SRC: variants seen among roughly 807,000 people sequenced by gnomAD.
SRC encodes the protein proto-oncogene tyrosine-protein kinase Src.
A neutral mutation model predicts 62.9 loss-of-function variants in SRC; 13 were observed. The ratio of observed to expected loss-of-function variants is 0.21; its 90% confidence interval spans 0.13 to 0.33. The LOEUF (loss-of-function observed/expected upper bound fraction) is 0.33. SRC is among the 10% of genes least tolerant of loss of function. The pLI, the probability that SRC is intolerant of heterozygous loss-of-function variation, is 1.00. For missense variants in SRC, 457 were observed against 737.3 expected (o/e 0.62, Z 4.40); for synonymous variants, 302 against 317.5 (o/e 0.95, Z 0.52).
At chr20:37,358,301 C>T (rs35547944) in intron 1 of SRC, among the ~76,000 whole-genome samples, 6,476 of 152,228 alleles carry the variant, frequency 0.043, 182 homozygotes, top group African/African-American at 0.082. Flanking sequence ...GGGCTCTGGC[C>T]GTGGTCACCC....
chr20:37,374,337 C>T (rs1285078575), intron 2 of SRC, among the ~76,000 whole-genome samples: 1 of 152,042 alleles, frequency 6.6e-6, no homozygotes, highest in Non-Finnish European at 1.5e-5. Context: ...CTCGGCCTTC[C>T]AAAGTGCTGG....
At position 37,402,326 on chromosome 20, in the gene SRC, T is replaced by G. The variant is rs1232576486; in HGVS notation, c.1117-109T>G. On this transcript the variant is annotated intron_variant, in intron 11 of 13. Coordinates refer to ENST00000373578, the MANE Select transcript of SRC (RefSeq NM_198291.3). This position sits in a 1 kb window ranked among gnomAD's most constrained non-coding sequence, Gnocchi z 6.2. ...AACTGACCTCACTTGCCTGAAGAAGTGTGGGGAGGGTGGGGAAGGGGTGGT... is the reference window on the plus strand; with the variant it reads ...AACTGACCTCACTTGCCTGAAGAAGGGTGGGGAGGGTGGGGAAGGGGTGGT... The G allele has an allele frequency of 2.3e-5, 31 of 1,360,980 alleles. No individual in the cohort carries two copies. The highest frequency in any genetic ancestry group is 3.1e-5 in the Non-Finnish European group (31 of 992,178). The allele number at this position is 1,360,980 out of a possible 1,614,324, so 84.3% of individuals were successfully genotyped here.
chr20:37,361,089 T>TGTA (rs1427870514), intron 1 of SRC, among the ~76,000 whole-genome samples: 3 of 149,388 alleles, frequency 2.0e-5, no homozygotes, highest in Non-Finnish European at 4.4e-5. Flanking sequence ...AAGGGTACAC[T>TGTA]GTAGTTCATG....
chr20:37,404,241 C>T lies in SRC; in HGVS notation c.*862C>T. On this transcript the variant is annotated 3_prime_UTR_variant, in exon 14 of 14. Coordinates refer to ENST00000373578, the MANE Select transcript of SRC (RefSeq NM_198291.3). ...CATTCGAGATGGCAGATTCCCACTG[C>T]CGCTGCCCGCTCAGCCCAGCTGTTG... The T allele has an allele frequency of 8.6e-6, 2 of 233,660 alleles. No homozygotes were observed. The highest frequency in any genetic ancestry group is 1.2e-4 in the East Asian group (2 of 16,584). The allele number at this position is 233,660 out of a possible 1,614,324, so 14.5% of individuals were successfully genotyped here.
chr20:37,391,249 C>G (rs979580655), intron 5 of SRC, among the ~76,000 whole-genome samples: 4 of 152,206 alleles, frequency 2.6e-5, no homozygotes, highest in African/African-American at 9.6e-5. Flanking sequence ...CCTCTGACCC[C>G]GCCCTGCAGC....
In SRC at chr20:37,384,065, C is replaced by A; in HGVS notation, c.-4-85C>A. ...TGCCTCTCCTTGGGCCTCGTTTTCC[C>A]TATCTGTGGAATGGGTGGGAGGGAG... On this transcript the variant is annotated intron_variant, in intron 3 of 13. Coordinates refer to ENST00000373578, the MANE Select transcript of SRC (RefSeq NM_198291.3). The surrounding 1 kb of genome is among the most constrained non-coding windows in gnomAD (Gnocchi z 6.7). The A allele has an allele frequency of 6.5e-7, 1 of 1,542,162 alleles. No individual in the cohort carries two copies.
intron 1 of SRC, among the ~76,000 whole-genome samples, chr20:37,352,636 C>T (rs1025165669): frequency 5.9e-5 from 9 of 152,212 alleles, no homozygotes; most frequent in African/African-American, 2.2e-4. Context: ...CATCCTTGCC[C>T]GTTTGACCTG....
rs191946007 is a variant in SRC at position 37,354,632 on chromosome 20, C to A, written c.-247+8377C>A. Among the ~76,000 whole-genome samples, 885 of 152,306 alleles carry A rather than the reference C, an allele frequency of 5.8e-3. 11 individuals are homozygous for A. Among genetic ancestry groups the A allele is most frequent in the African/African-American group, 0.02 (842 of 41,568 alleles). On this transcript the variant is annotated intron_variant, in intron 1 of 13. Coordinates refer to ENST00000373578, the MANE Select transcript of SRC (RefSeq NM_198291.3). ...AGGTGAGGTCTGGCTTCTTATTCTGCCTGGGAGGCCAGGGCTGTGCCTTGT... is the reference window on the plus strand; with the variant it reads ...AGGTGAGGTCTGGCTTCTTATTCTGACTGGGAGGCCAGGGCTGTGCCTTGT...
chr20:37,358,462 C>T (rs1360445056), intron 1 of SRC, among the ~76,000 whole-genome samples: 2 of 152,234 alleles, frequency 1.3e-5, no homozygotes, highest in African/African-American at 4.8e-5. Context: ...TCACTCAAGT[C>T]TCCCCAGCAC....
At chr20:37,357,140 G>T (rs923394054) in intron 1 of SRC, among the ~76,000 whole-genome samples, 1 of 152,242 alleles carries the variant, frequency 6.6e-6, no homozygotes, top group Non-Finnish European at 1.5e-5. Context: ...AAGCCCCTTT[G>T]TGGAGGGCGG....
chr20:37,381,618 T>C (rs951169579), intron 2 of SRC, among the ~76,000 whole-genome samples: 5 of 152,118 alleles, frequency 3.3e-5, no homozygotes, highest in South Asian at 2.1e-4. Context: ...TGTCCCCCTA[T>C]AGTGAGGAGC....
chr20:37,370,999 T>C (rs959371585), intron 2 of SRC, among the ~76,000 whole-genome samples: 3 of 151,420 alleles, frequency 2.0e-5, no homozygotes, highest in Admixed American at 2.0e-4. Flanking sequence ...TCTTTTTTTT[T>C]TTTTTTGAGA....
chr20:37,403,536 G>A lies in SRC; in HGVS notation c.*157G>A. The A allele has an allele frequency of 1.1e-6, 1 of 870,600 alleles. No homozygotes were observed. Among genetic ancestry groups the A allele is most frequent in the Non-Finnish European group, 1.7e-6 (1 of 581,882 alleles). 53.9% of individuals were successfully genotyped at this position (870,600 alleles called of 1,614,324 possible). A position where few individuals can be genotyped will look rare whatever the true frequency, so the allele number is the denominator to read the frequency against. On this transcript the variant is annotated 3_prime_UTR_variant, in exon 14 of 14. Transcript: ENST00000373578. This position sits in a 1 kb window ranked among gnomAD's most constrained non-coding sequence, Gnocchi z 7.1. ...CTTCCTCTTTGGTGGCATGGAAGGG[G>A]CTTCTGGACCTAGGGTGGCCTGAGA... is the stretch of plus-strand genomic sequence containing the variant.
rs1164628183 is a variant in SRC, at chr20:37,399,150, A to G, written c.860-965A>G. On this transcript the variant is annotated intron_variant, in intron 9 of 13. Transcript: ENST00000373578. ...GGTTAAAATCTCATTCAATCCTCAA[A>G]CAGCTCCACGGGTAGGCACTATGGA... Among the ~76,000 whole-genome samples the G allele has an allele frequency of 3.3e-5, 5 of 152,182 alleles. No individual in the cohort carries two copies. In the East Asian group the frequency reaches 7.7e-4, roughly 23 times the overall value.
At chr20:37,353,680 G>A (rs2069839488) in intron 1 of SRC, among the ~76,000 whole-genome samples, 1 of 152,130 alleles carries the variant, frequency 6.6e-6, no homozygotes, top group Admixed American at 6.5e-5. Context: ...AGGAGCCAGG[G>A]GACTTGCCCA....
At position 37,373,601 on chromosome 20, in the gene SRC, C is replaced by T. The variant is rs182721225; in HGVS notation, c.-173+8324C>T. On this transcript the variant is annotated intron_variant, in intron 2 of 13. Coordinates refer to ENST00000373578, the MANE Select transcript of SRC (RefSeq NM_198291.3). The stretch of plus-strand genomic sequence containing the variant: ...TTGGGATTACAGGCGTAAGCCACCA[C>T]GCCCAGCTCTTCCCCTTTTTAGAGC... Among the ~76,000 whole-genome samples the T allele has an allele frequency of 1.1e-4, 17 of 152,368 alleles. No individual in the cohort carries two copies. In the East Asian group the frequency reaches 2.3e-3, roughly 21 times the overall value.
chr20:37,393,282 T>C, intron 5 of SRC, among the ~76,000 whole-genome samples: 1 of 152,220 alleles, frequency 6.6e-6, no homozygotes. Context: ...CGAGGAGCCC[T>C]TTAGGTGTGA....
At chr20:37,374,283 T>C (rs541071196) in intron 2 of SRC, among the ~76,000 whole-genome samples, 6 of 152,062 alleles carry the variant, frequency 3.9e-5, no homozygotes, top group Non-Finnish European at 8.8e-5. Context: ...TTTCACCATA[T>C]TGGCCAGGCT....
In SRC at chr20:37,386,256, T is replaced by TCAGGGCAGCACAGTGCAGAGCC. The variant is rs561795544; in HGVS notation, c.350+91_350+112dup. 5.1e-4 allele frequency: 693 copies of TCAGGGCAGCACAGTGCAGAGCC among 1,352,332 alleles called. 8 individuals carry two copies. The African/African-American group carries it at 9.1e-3, about 18-fold the overall frequency. 83.8% of individuals were successfully genotyped at this position (1,352,332 alleles called of 1,614,324 possible). ...GCAGGGGCTCATGCAGGATCTGGCA[T>TCAGGGCAGCACAGTGCAGAGCC]CAGGGCAGCACAGTGCAGAGCCCAG... On this transcript the variant is annotated intron_variant, in intron 5 of 13. Coordinates refer to ENST00000373578, the MANE Select transcript of SRC (RefSeq NM_198291.3).
Sources: gnomAD v4.1 joint callset for allele counts (sites outside exome capture counted in the v4.1 genomes callset) on GRCh38, gnomAD v4.1.1 for gene constraint, Gnocchi (gnomAD v3.1) non-coding constraint, MANE v1.5 for transcripts, NCBI Gene and HGNC (gene_info 2026-07-23, HGNC 2026-07-21) for gene names.